RAPGEF3: variants seen among roughly 807,000 people sequenced by gnomAD.
The protein encoded by RAPGEF3 is 9330170P05Rik.
A neutral mutation model predicts 129.8 loss-of-function variants in RAPGEF3; 103 were observed. The ratio of observed to expected loss-of-function variants is 0.79; its 90% confidence interval spans 0.68 to 0.93. The LOEUF (loss-of-function observed/expected upper bound fraction) is 0.93, where lower values mean the gene tolerates loss of function less well. Among genes scored for constraint, RAPGEF3 ranks in the 40% least tolerant of loss-of-function variants. RAPGEF3 has a pLI of 0.00. For missense variants in RAPGEF3, 1,117 were observed against 1,207.4 expected, an observed-to-expected ratio of 0.93 and a Z score of 1.11; for synonymous variants, 436 against 482.6, an observed-to-expected ratio of 0.90 and a Z score of 1.26.
At chr12:47,752,257 A>C (rs541843070) in intron 2 of RAPGEF3, among the ~76,000 whole-genome samples, 8 of 152,310 alleles carry the variant, frequency 5.3e-5, no homozygotes, top group African/African-American at 1.9e-4. Context: ...AGGTGTGCCC[A>C]TGCCCCCAGG....
At chr12:47,757,074 G>T (rs920349660) in intron 2 of RAPGEF3, among the ~76,000 whole-genome samples, 2 of 152,154 alleles carry the variant, frequency 1.3e-5, no homozygotes, top group African/African-American at 4.8e-5. Context: ...CAGGTGGATT[G>T]CTTGGGCCTA....
intron 2 of RAPGEF3, 148 bp from the exon 3 acceptor site, chr12:47,752,117 A>C: frequency 1.2e-6 from 1 of 838,736 alleles, no homozygotes; most frequent in African/African-American, 1.7e-5. Context: ...ATAAACAAAT[A>C]TTCACTCAGC....
chr12:47,741,734 T>C, intron 18 of RAPGEF3, 132 bp from the exon 19 acceptor site: 1 of 732,200 alleles, frequency 1.4e-6, no homozygotes, highest in Admixed American at 2.1e-5. Context: ...AAGTCCTGGG[T>C]GGTGCTCAGA....
At position 47,758,747 on chromosome 12, in the gene RAPGEF3, TC is replaced by T; in HGVS notation, c.-192del. 1 of 1,242,764 alleles carries T rather than the reference TC, an allele frequency of 8.0e-7. No homozygotes were observed. Among genetic ancestry groups the T allele is most frequent in the Non-Finnish European group, 1.0e-6 (1 of 986,834 alleles). 77.0% of individuals were successfully genotyped at this position (1,242,764 alleles called of 1,614,324 possible). A position where few individuals can be genotyped will look rare whatever the true frequency, so the allele number is the denominator to read the frequency against. On this transcript the variant is annotated 5_prime_UTR_variant, in exon 1 of 28. Coordinates refer to ENST00000449771, the MANE Select transcript of RAPGEF3 (RefSeq NM_001098531.4). ...ATGCAGGGCTCGGTGGAGAGGCTCC[TC>T]TTGGGTGAGTAGAGGGGTGGGGGCG...
chr12:47,754,506 A>T (rs889677985), intron 2 of RAPGEF3, among the ~76,000 whole-genome samples: 1 of 152,178 alleles, frequency 6.6e-6, no homozygotes, highest in Non-Finnish European at 1.5e-5. Flanking sequence ...TTGCGTTACC[A>T]TCTGGTTGTG....
intron 2 of RAPGEF3, 54 bp downstream of exon 2, chr12:47,757,812 C>A: frequency 6.8e-7 from 1 of 1,479,452 alleles, no homozygotes; most frequent in Non-Finnish European, 9.1e-7. Context: ...TGATCTAGGC[C>A]CCCCTCTAGC....
In RAPGEF3 at chr12:47,747,782, A is replaced by T. The variant is rs758612645; in HGVS notation, c.1403T>A (p.Leu468Gln). ...VCNKRQQILR[L>Q]VSQWVALYGS... ...ATACAGGGCCACCCACTGGCTGACC[A>T]GCCGCAAGATCTGCTGCCTCTTGTT... The change falls in exon 14 of 28, where the codon CTG becomes CAG. Residue 468 changes from leucine to glutamine, a missense_variant. Leu to Gln is a moderately radical substitution (Grantham distance 113). Around this residue, in one of 3 missense-constraint regions of RAPGEF3, gnomAD observed 643 missense variants for 673.4 expected, o/e 0.95. Coordinates refer to ENST00000449771, the MANE Select transcript of RAPGEF3 (RefSeq NM_001098531.4). The T allele has an allele frequency of 6.2e-7, 1 of 1,608,524 alleles. No individual in the cohort carries two copies. Among genetic ancestry groups the T allele is most frequent in the Non-Finnish European group, 8.5e-7 (1 of 1,179,980 alleles).
rs1941710870 is a variant in RAPGEF3, at chr12:47,751,075, G to A, written c.644C>T (p.Ala215Val). The A allele has an allele frequency of 6.3e-7, 1 of 1,596,506 alleles. No individual in the cohort carries two copies. The highest frequency in any genetic ancestry group is 8.5e-7 in the Non-Finnish European group (1 of 1,172,538). Residue 215 changes from alanine to valine, a missense_variant, in exon 6 of 28, where the codon GCC becomes GTC. This residue lies in a region of RAPGEF3 where 367 missense variants were observed against 373.4 expected (regional missense o/e 0.98). Transcript: ENST00000449771. ...CTTTCGAAGTGCCACAGTGAGCAGG[G>A]CGTCAGGCCCCCGCTGGGAGAGCAG... ...VALLSQRGPD[A>V]LLTVALRKPP...
chr12:47,757,452 A>G (rs890352193), intron 2 of RAPGEF3, among the ~76,000 whole-genome samples: 3 of 152,122 alleles, frequency 2.0e-5, no homozygotes, highest in Non-Finnish European at 4.4e-5. Flanking sequence ...TCAGTAACTC[A>G]CTAAAGGAGA....
In RAPGEF3 at chr12:47,738,255, C is replaced by A. The variant is rs772147318; in HGVS notation, c.2527-8G>T. ...GGCTCTGGCCATCATTCTCTGCGGA[C>A]AACACCGGGGCATAAGCTCTTGCCT... is the stretch of plus-strand genomic sequence containing the variant. On this transcript the variant is annotated splice_polypyrimidine_tract_variant and splice_region_variant and intron_variant, in intron 25 of 27. Transcript: ENST00000449771. 1 of 1,613,124 alleles carries A rather than the reference C, an allele frequency of 6.2e-7. No homozygotes were observed. Among genetic ancestry groups the A allele is most frequent in the Admixed American group, 1.7e-5 (1 of 60,008 alleles).
In RAPGEF3 at chr12:47,750,395, G is replaced by A; in HGVS notation, c.702C>T (p.Asp234=). 6.2e-7 allele frequency: 1 copy of A among 1,614,002 alleles called. No individual in the cohort carries two copies. Among genetic ancestry groups the A allele is most frequent in the Non-Finnish European group, 8.5e-7 (1 of 1,179,926 alleles). ...TGTGCAGCAGCTCCTCAAAGATGAG[G>A]TCCAGCTCTTCATCCGTGCGCTGAC... ...PPGQRTDEEL[D]LIFEELLHIK... is the part of the protein sequence containing the mutation. The change falls in exon 7 of 28, where the codon GAC becomes GAT. Residue 234 remains aspartate, a synonymous_variant. Transcript: ENST00000449771.
At position 47,738,038 on chromosome 12, in the gene RAPGEF3, C is replaced by T. The variant is rs1321133120; in HGVS notation, c.2637G>A (p.Val879=). The change falls in exon 27 of 28, where the codon GTG becomes GTA. Residue 879 remains valine (V), a synonymous_variant. Transcript: ENST00000449771. The stretch of plus-strand genomic sequence containing the variant: ...ACCACTTACATGTGGAAATCCTCGC[C>T]ACCTGGCTGTCCTCGTGGAGGTGGG... ...RVSHLHEDSQ[V]ARISTCSEQS... is the part of the protein sequence containing the mutation. The T allele has an allele frequency of 6.2e-7, 1 of 1,614,080 alleles. No individual in the cohort carries two copies. Among genetic ancestry groups the T allele is most frequent in the Non-Finnish European group, 8.5e-7 (1 of 1,179,988 alleles).
Position 47,748,859 on chromosome 12 carries a change from C to T in RAPGEF3, c.1114G>A (p.Gly372Ser). 3.7e-6 allele frequency: 6 copies of T among 1,614,038 alleles called. No homozygotes were observed. The highest frequency in any genetic ancestry group is 4.2e-6 in the Non-Finnish European group (5 of 1,179,938). Residue 372 changes from glycine (G) to serine (S), a missense_variant, in exon 11 of 28, where the codon GGC becomes AGC. Around this residue, in one of 3 missense-constraint regions of RAPGEF3, gnomAD observed 107 missense variants for 160.7 expected, o/e 0.67. Coordinates refer to ENST00000449771, the MANE Select transcript of RAPGEF3 (RefSeq NM_001098531.4). ...GTTGGGGGTCGGGAAGGGCCGGCGC[C>T]CTGAGAGGCTCTCTCCAGCACCAGC... ...VVLVLERASQ[G>S]AGPSRPPTPG... is the part of the protein sequence containing the mutation.
intron 18 of RAPGEF3, among the ~76,000 whole-genome samples, 161 bp downstream of exon 18, chr12:47,743,369 C>T (rs896919857): frequency 6.6e-6 from 1 of 152,266 alleles, no homozygotes; most frequent in African/African-American, 2.4e-5. Flanking sequence ...GCATGAAATG[C>T]ACTTCGAACA....
intron 19 of RAPGEF3, 72 bp from the exon 20 acceptor site, chr12:47,741,112 T>G (rs1941137892): frequency 6.6e-7 from 1 of 1,523,904 alleles, no homozygotes; most frequent in African/African-American, 1.4e-5. Context: ...GGGAGAGGGT[T>G]GGGGCAAGGA....
chr12:47,748,316 G>T, intron 12 of RAPGEF3, 138 bp downstream of exon 12: 2 of 966,702 alleles, frequency 2.1e-6, no homozygotes, highest in Non-Finnish European at 1.6e-6. Context: ...AAGAGCACAG[G>T]TAAGAGGACT....
chr12:47,740,295 CCA>C lies in RAPGEF3; in HGVS notation c.2322+8_2322+9del. 4 of 1,613,882 alleles carry C rather than the reference CCA, an allele frequency of 2.5e-6. No homozygotes were observed. The highest frequency in any genetic ancestry group is 3.4e-6 in the Non-Finnish European group (4 of 1,179,800). ...TGACCTCAGGAGGGGGCCCTCCAGACCACACTTACCTCCCAGGTGTGGGCTAG... is the reference window on the plus strand; with the variant it reads ...TGACCTCAGGAGGGGGCCCTCCAGACCACTTACCTCCCAGGTGTGGGCTAG... On this transcript the variant is annotated splice_region_variant and intron_variant, in intron 22 of 27. Coordinates refer to ENST00000449771, the MANE Select transcript of RAPGEF3 (RefSeq NM_001098531.4).
In RAPGEF3 at chr12:47,734,825, G is replaced by A. The variant is rs1259450752; in HGVS notation, c.*2742C>T. The A allele has an allele frequency of 6.6e-6, 1 of 152,290 alleles. No individual in the cohort carries two copies. Among genetic ancestry groups the A allele is most frequent in the African/African-American group, 2.4e-5 (1 of 41,476 alleles). The allele number at this position is 152,290 out of a possible 1,614,324, so 9.4% of individuals were successfully genotyped here. On this transcript the variant is annotated 3_prime_UTR_variant, in exon 28 of 28. Coordinates refer to ENST00000449771, the MANE Select transcript of RAPGEF3 (RefSeq NM_001098531.4). ...GCTCTAACTCAGTGCTGAGTGGAGG[G>A]GGATGGGGTGCCGGATCTCAGGCTC...
chr12:47,739,106 G>T (rs2074535), intron 24 of RAPGEF3, 37 bp downstream of exon 24: 41 of 1,498,060 alleles, frequency 2.7e-5, no homozygotes, highest in African/African-American at 2.8e-5. Flanking sequence ...AGGCAGGAAG[G>T]GGGGAATGGA....
Sources: allele counts gnomAD v4.1 joint callset (sites outside exome capture counted in the v4.1 genomes callset), GRCh38; gene constraint gnomAD v4.1.1; regional missense constraint gnomAD v4.1.1; transcripts MANE v1.5; gene names NCBI Gene and HGNC (gene_info 2026-07-23, HGNC 2026-07-21).